Variants in FRMPD4 observed in about 807,000 individuals in gnomAD.
FRMPD4 encodes FERM and PDZ domain-containing protein 4.
A neutral mutation model predicts 94.1 loss-of-function variants in FRMPD4; 22 were observed. That is an observed-to-expected ratio of 0.23 (90% CI 0.17 to 0.33). The LOEUF is 0.33. Ranked by LOEUF, FRMPD4 falls within the 10% of genes least tolerant of loss-of-function variation. FRMPD4 has a pLI of 1.00. For missense variants in FRMPD4, 1,111 were observed against 1,339.9 expected (o/e 0.83, Z 2.67); for synonymous variants, 631 against 548.6 (o/e 1.15, Z -2.10).
At chrX:11,844,841 A>G (rs2053564341) in intron 1 of FRMPD4, among the ~76,000 whole-genome samples, 1 of 111,792 alleles carries the variant, frequency 8.9e-6, no homozygotes, top group African/African-American at 3.3e-5. Flanking sequence ...ACATATTTTT[A>G]CATTTGATGT....
upstream of FRMPD4, among the ~76,000 whole-genome samples, chrX:12,133,520 G>A (rs778466986): frequency 9.0e-6 from 1 of 111,499 alleles, no homozygotes; most frequent in South Asian, 3.8e-4. Context: ...AACCTCCTGG[G>A]CTCAAGTGAT....
intron 1 of FRMPD4, among the ~76,000 whole-genome samples, chrX:12,308,629 A>C (rs2054982155): frequency 9.0e-6 from 1 of 111,350 alleles, no homozygotes; most frequent in Admixed American, 9.5e-5. Context: ...GTGCCACAAC[A>C]GACACTGTAG....
chrX:12,419,290 A>G (rs1304723077), intron 1 of FRMPD4, among the ~76,000 whole-genome samples: 3 of 111,738 alleles, frequency 2.7e-5, no homozygotes, highest in African/African-American at 9.8e-5. Flanking sequence ...TAGTACTGCA[A>G]CAGATTGAAT....
In FRMPD4 at chrX:12,717,146, T is replaced by C. The variant is rs758720735; in HGVS notation, c.2674+13T>C. 1.0e-5 allele frequency: 11 copies of C among 1,059,059 alleles called. No individual in the cohort carries two copies. In the South Asian group the frequency reaches 2.1e-4, roughly 20 times the overall value. 87.3% of individuals were successfully genotyped at this position (1,059,059 alleles called of 1,213,427 possible). On this transcript the variant is annotated intron_variant, in intron 15 of 16. Coordinates refer to ENST00000675598, the MANE Select transcript of FRMPD4 (RefSeq NM_001368397.1). ...AGTGACAATTCAGGTTCTTTCACAA[T>C]TGTTACATTCATTCACTGATAACCA...
intron 14 of FRMPD4, among the ~76,000 whole-genome samples, chrX:12,715,482 A>G (rs1354815956): frequency 1.8e-5 from 2 of 112,089 alleles, no homozygotes; most frequent in East Asian, 5.6e-4. Flanking sequence ...AACATCCACT[A>G]GGATATCAAA....
At chrX:11,880,084 T>C (rs1238966990) in intron 3 of FRMPD4, among the ~76,000 whole-genome samples, 1 of 112,236 alleles carries the variant, frequency 8.9e-6, no homozygotes, top group Non-Finnish European at 1.9e-5. Flanking sequence ...GTTTTGCTGT[T>C]GATTAAAGAG....
intron 2 of FRMPD4, among the ~76,000 whole-genome samples, chrX:12,527,133 C>T (rs11795722): frequency 0.48 from 52,840 of 110,904 alleles, 9,121 homozygotes; most frequent in Middle Eastern, 0.5. Context: ...ATCATTTTGT[C>T]TTTGAGATTG....
At chrX:12,015,267 T>C (rs2054599351) in intron 3 of FRMPD4, among the ~76,000 whole-genome samples, 1 of 111,035 alleles carries the variant, frequency 9.0e-6, no homozygotes, top group Non-Finnish European at 1.9e-5. Context: ...AAAAGCTTAG[T>C]TTCCAGGTCT....
At chrX:12,534,638 T>C (rs747681700) in intron 2 of FRMPD4, among the ~76,000 whole-genome samples, 4 of 112,678 alleles carry the variant, frequency 3.5e-5, no homozygotes, top group Non-Finnish European at 7.5e-5. Context: ...AGAGATCATT[T>C]TGGGGCTTTA....
At chrX:12,664,015 G>C (rs1243513148) in intron 4 of FRMPD4, among the ~76,000 whole-genome samples, 1 of 112,119 alleles carries the variant, frequency 8.9e-6, no homozygotes, top group Admixed American at 9.5e-5. Context: ...TCTATTATTG[G>C]TGTATAGGAA....
chrX:12,279,549 C>T (rs112764720), intron 1 of FRMPD4, among the ~76,000 whole-genome samples: 4,692 of 111,918 alleles, frequency 0.042, 249 homozygotes, highest in African/African-American at 0.14. Context: ...CCAGCTAGTA[C>T]TGGGCTCTTG....
At chrX:12,179,489 T>C in intron 1 of FRMPD4, among the ~76,000 whole-genome samples, 1 of 111,879 alleles carries the variant, frequency 8.9e-6, no homozygotes, top group Non-Finnish European at 1.9e-5. Context: ...GATTTGAAAG[T>C]TATCAACGTA....
In FRMPD4 at chrX:12,312,239, C is replaced by CTTTT. The variant is rs200625685; in HGVS notation, c.41+173254_41+173257dup. ...CTTCCTTTTCAACTCTGCTCCATTACTTTTTTTTTTTTTTTTTTTTTTTTT... is the reference window on the plus strand; with the variant it reads ...CTTCCTTTTCAACTCTGCTCCATTACTTTTTTTTTTTTTTTTTTTTTTTTTTTTT... On this transcript the variant is annotated intron_variant, in intron 1 of 16. Coordinates refer to ENST00000675598, the MANE Select transcript of FRMPD4 (RefSeq NM_001368397.1). Among the ~76,000 whole-genome samples, 44 of 61,505 alleles carry CTTTT rather than the reference C, an allele frequency of 7.2e-4. 9 individuals are homozygous for CTTTT. The highest frequency in any genetic ancestry group is 2.1e-3 in the African/African-American group (30 of 14,246). 53.4% of individuals were successfully genotyped at this position (61,505 alleles called of 115,157 possible).
intron 1 of FRMPD4, among the ~76,000 whole-genome samples, chrX:12,422,294 G>A (rs920367940): frequency 1.3e-4 from 15 of 112,183 alleles, no homozygotes; most frequent in African/African-American, 1.9e-4. Flanking sequence ...AACAGATATC[G>A]TGTAGGACGC....
intron 2 of FRMPD4, among the ~76,000 whole-genome samples, chrX:12,575,289 T>C (rs774351639): frequency 3.7e-5 from 4 of 107,562 alleles, no homozygotes; most frequent in South Asian, 8.1e-4. Context: ...AAATAAGTAG[T>C]AAATTCACAT....
chrX:12,444,753 G>A (rs149009462), intron 1 of FRMPD4, among the ~76,000 whole-genome samples: 21 of 111,291 alleles, frequency 1.9e-4, no homozygotes, highest in African/African-American at 6.2e-4. Context: ...GCAAGAAGGG[G>A]CCAAACTTGC....
chrX:12,582,134 T>C (rs185176611), intron 2 of FRMPD4, among the ~76,000 whole-genome samples: 2 of 112,379 alleles, frequency 1.8e-5, no homozygotes, highest in African/African-American at 6.5e-5. Context: ...AATTAATGAA[T>C]TATCTTCTTA....
chrX:12,456,228 T>G (rs2057332103), intron 1 of FRMPD4, among the ~76,000 whole-genome samples: 1 of 112,124 alleles, frequency 8.9e-6, no homozygotes, highest in Admixed American at 9.4e-5. Context: ...ATGTGACTAC[T>G]CAAGTCTTCT....
chrX:12,350,883 G>T (rs5978525), intron 1 of FRMPD4, among the ~76,000 whole-genome samples: 1 of 112,002 alleles, frequency 8.9e-6, no homozygotes, highest in African/African-American at 3.3e-5. Context: ...TGCCTATAAT[G>T]TGTGATTATT....
Sources: allele counts gnomAD v4.1 joint callset (sites outside exome capture counted in the v4.1 genomes callset), GRCh38; gene constraint gnomAD v4.1.1; transcripts MANE v1.5; gene names NCBI Gene and HGNC (gene_info 2026-07-23, HGNC 2026-07-21).